The following ABR variants were observed in gnomAD, a reference collection of about 807,000 sequenced individuals.
ABR encodes active breakpoint cluster region-related protein.
A neutral mutation model predicts 107.2 loss-of-function variants in ABR; 35 were observed. The observed-to-expected ratio is 0.33, with a 90% CI of 0.25 to 0.43. The LOEUF (loss-of-function observed/expected upper bound fraction) is 0.43. ABR is among the 20% of genes least tolerant of loss of function. The pLI, the probability that ABR is intolerant of heterozygous loss-of-function variation, is 1.00. For synonymous variants in ABR, 498 were observed against 462.0 expected (o/e 1.08, Z -1.00); for missense variants, 815 against 1,115.2 (o/e 0.73, Z 3.83).
intron 3 of ABR, among the ~76,000 whole-genome samples, chr17:1,093,989 G>A (rs1246622949): frequency 6.6e-6 from 1 of 152,108 alleles, no homozygotes; most frequent in African/African-American, 2.4e-5. Context: ...GCCCCTCAGT[G>A]TCCAGTCAGG....
In ABR at chr17:1,150,124, T is replaced by C. The variant is rs953541612; in HGVS notation, c.62-24757A>G. On this transcript the variant is annotated intron_variant, in intron 1 of 22. Transcript: ENST00000302538. This position sits in a 1 kb window ranked among gnomAD's most constrained non-coding sequence, Gnocchi z 4.8. ...AGAGACACCGAGAGGAAGGCCAGCT[T>C]GCCCGGTGTCTTCTCAAGGGCTGAC... 3.3e-5 allele frequency among the ~76,000 whole-genome samples: 5 copies of C among 151,372 alleles called. No individual in the cohort carries two copies. The highest frequency in any genetic ancestry group is 1.2e-4 in the African/African-American group (5 of 41,114).
At chr17:1,067,735 G>C (rs1302950414) in intron 9 of ABR, among the ~76,000 whole-genome samples, 1 of 152,198 alleles carries the variant, frequency 6.6e-6, no homozygotes, top group Non-Finnish European at 1.5e-5. Context: ...AGTCTAGCAA[G>C]AAAGTGTGCC....
chr17:1,208,192 G>C (rs1379823176), intron 1 of ABR, among the ~76,000 whole-genome samples: 1 of 152,158 alleles, frequency 6.6e-6, no homozygotes, highest in African/African-American at 2.4e-5. Context: ...TCGACCCCCA[G>C]ATGAGTCCCT....
At chr17:1,062,400 A>C in intron 10 of ABR, among the ~76,000 whole-genome samples, 1 of 145,106 alleles carries the variant, frequency 6.9e-6, no homozygotes, top group Non-Finnish European at 1.5e-5. Context: ...ATGTTCCTCT[A>C]GACACTGTTG....
At chr17:1,046,902 G>A (rs1271874851) in intron 16 of ABR, among the ~76,000 whole-genome samples, 1 of 152,186 alleles carries the variant, frequency 6.6e-6, no homozygotes, top group Non-Finnish European at 1.5e-5. Context: ...TTTGGGAAGC[G>A]GCCTCCAGGA....
Position 1,179,538 on chromosome 17 carries a change from C to T in ABR, c.61+129G>A. The T allele has an allele frequency of 9.6e-7, 1 of 1,039,196 alleles. No individual in the cohort carries two copies. The highest frequency in any genetic ancestry group is 1.3e-6 in the Non-Finnish European group (1 of 777,262). 64.4% of individuals were successfully genotyped at this position (1,039,196 alleles called of 1,614,324 possible). ...CCCCGATCTCGCCCCCGCCCGCGCT[C>T]CCCGGACCAGCCCGGTGCCTGGGTC... On this transcript the variant is annotated intron_variant, in intron 1 of 22. Transcript: ENST00000302538. The surrounding 1 kb of genome is among the most constrained non-coding windows in gnomAD (Gnocchi z 4.9).
chr17:1,096,803 T>G (rs1470847055), intron 3 of ABR, among the ~76,000 whole-genome samples: 1 of 96,588 alleles, frequency 1.0e-5, no homozygotes, highest in East Asian at 3.3e-4. Flanking sequence ...TGGGGGAACC[T>G]GCCCCGGGAG....
intron 1 of ABR, among the ~76,000 whole-genome samples, chr17:1,207,156 G>A (rs1179797994): frequency 6.6e-6 from 1 of 151,870 alleles, no homozygotes; most frequent in Non-Finnish European, 1.5e-5. Context: ...ACAGGCTAAG[G>A]TGGAAGGATT....
chr17:1,124,847 G>C (rs1340609633), intron 2 of ABR, among the ~76,000 whole-genome samples: 1 of 152,208 alleles, frequency 6.6e-6, no homozygotes, highest in Non-Finnish European at 1.5e-5. Context: ...GGTGCAGAGG[G>C]GAGGAGAGCC....
At chr17:1,059,270 G>A (rs2033670624) in intron 10 of ABR, among the ~76,000 whole-genome samples, 2 of 152,176 alleles carry the variant, frequency 1.3e-5, no homozygotes, top group South Asian at 4.1e-4. Flanking sequence ...CTGGTGCCAA[G>A]CCCTTTCCCT....
intron 2 of ABR, among the ~76,000 whole-genome samples, chr17:1,111,907 T>G (rs2038695642): frequency 6.6e-6 from 1 of 152,168 alleles, no homozygotes; most frequent in Non-Finnish European, 1.5e-5. Context: ...GCCCTTCCAC[T>G]CCACACATCT....
At chr17:1,080,193 AC>A (rs1279442218) in intron 5 of ABR, among the ~76,000 whole-genome samples, 1 of 151,872 alleles carries the variant, frequency 6.6e-6, no homozygotes, top group Non-Finnish European at 1.5e-5. Context: ...GCTGCATCCT[AC>A]CCCCATCAGA....
intron 16 of ABR, among the ~76,000 whole-genome samples, chr17:1,046,352 G>A (rs189034271): frequency 2.4e-5 from 3 of 124,980 alleles, no homozygotes; most frequent in East Asian, 2.1e-4. Context: ...TGGCCAGGCG[G>A]GTCTTGAACT....
In ABR at chr17:1,069,956, C is replaced by G; in HGVS notation, c.1016+13G>C. 6.3e-7 allele frequency: 1 copy of G among 1,588,010 alleles called. No homozygotes were observed. Among genetic ancestry groups the G allele is most frequent in the Non-Finnish European group, 8.6e-7 (1 of 1,164,906 alleles). ...CCCTCCCCCGCCCCGTGCCCCTGGA[C>G]TCACACACTCACCCTGCAGAGGTCT... On this transcript the variant is annotated intron_variant, in intron 9 of 22. Transcript: ENST00000302538.
In ABR at chr17:1,135,377, C is replaced by CTTTTTTTT. The variant is rs71148437; in HGVS notation, c.62-10018_62-10011dup. On this transcript the variant is annotated intron_variant, in intron 1 of 22. Transcript: ENST00000302538. ...TATTTTTTATTCTTTTTCTTTTTGT[C>CTTTTTTTT]TTTTTTTTTTTTTTTTGAGACAGAG... 5.8e-4 allele frequency among the ~76,000 whole-genome samples: 30 copies of CTTTTTTTT among 51,390 alleles called. 1 individual carries two copies. The highest frequency in any genetic ancestry group is 8.1e-4 in the Non-Finnish European group (14 of 17,226). The allele number at this position is 51,390 out of a possible 152,430, so 33.7% of individuals were successfully genotyped here.
intron 16 of ABR, chr17:1,022,522 T>G (rs2071779407): frequency 6.5e-6 from 1 of 154,352 alleles, no homozygotes; most frequent in Non-Finnish European, 1.5e-5. Context: ...TCCGTCAACG[T>G]GACTGCTCCG....
chr17:1,108,715 T>G (rs978576653), intron 2 of ABR, among the ~76,000 whole-genome samples: 1 of 152,032 alleles, frequency 6.6e-6, no homozygotes, highest in African/African-American at 2.4e-5. Flanking sequence ...AGCCCTGAGC[T>G]GGGCTGGCCT....
At chr17:1,125,154 A>G (rs751885763) in intron 2 of ABR, 29 bp downstream of exon 2, 95 of 1,538,032 alleles carry the variant, frequency 6.2e-5, no homozygotes, top group Non-Finnish European at 8.1e-5. Context: ...CCCCTCCCCA[A>G]ACCCAGAAAG....
chr17:1,054,293 T>C (rs1204422561), intron 14 of ABR, among the ~76,000 whole-genome samples: 1 of 152,194 alleles, frequency 6.6e-6, no homozygotes, highest in African/African-American at 2.4e-5. Flanking sequence ...GTAGGTGCTG[T>C]GTAAATTAAC....
Sources: allele counts gnomAD v4.1 joint callset (sites outside exome capture counted in the v4.1 genomes callset), GRCh38; gene constraint gnomAD v4.1.1; non-coding constraint Gnocchi (gnomAD v3.1); transcripts MANE v1.5; gene names NCBI Gene and HGNC (gene_info 2026-07-23, HGNC 2026-07-21).